KCNN3: variants seen among roughly 807,000 people sequenced by gnomAD.
The protein encoded by KCNN3 is small conductance calcium-activated potassium channel protein 3.
A neutral mutation model predicts 62.9 loss-of-function variants in KCNN3; 16 were observed. That is an observed-to-expected ratio of 0.25 (90% CI 0.17 to 0.39). The LOEUF is 0.39. Among genes scored for constraint, KCNN3 ranks in the 10% least tolerant of loss-of-function variants. KCNN3 has a pLI of 1.00. For missense variants in KCNN3, 599 were observed against 949.4 expected (o/e 0.63, Z 4.85); for synonymous variants, 370 against 389.2 (o/e 0.95, Z 0.58).
chr1:154,725,338 G>C (rs917295561), intron 5 of KCNN3, among the ~76,000 whole-genome samples: 1 of 152,150 alleles, frequency 6.6e-6, no homozygotes, highest in Admixed American at 6.5e-5. Flanking sequence ...ATCAGGCAAA[G>C]GGGCAGGTTA....
intron 1 of KCNN3, among the ~76,000 whole-genome samples, chr1:154,868,765 C>T (rs1653049399): frequency 6.6e-6 from 1 of 152,050 alleles, no homozygotes; most frequent in Non-Finnish European, 1.5e-5. Context: ...CCCTACCCCC[C>T]AGAGGAAGCT....
chr1:154,724,860 T>TC (rs140118887), intron 5 of KCNN3, among the ~76,000 whole-genome samples: 13,680 of 134,286 alleles, frequency 0.1, 671 homozygotes, highest in Middle Eastern at 0.16. Context: ...AGAATGATTC[T>TC]TTTTTTTTTT....
intron 1 of KCNN3, among the ~76,000 whole-genome samples, chr1:154,831,196 G>A (rs1651365399): frequency 2.6e-5 from 4 of 152,314 alleles, no homozygotes; most frequent in Admixed American, 2.6e-4. Flanking sequence ...GCCCACCTAG[G>A]ATTCTTGCAG....
rs1700123635 is a variant in KCNN3, at chr1:154,713,673, T to G, written c.1830-140A>C. ...CGTGAACCTGGGGAACAACTGAGGC[T>G]TTTACTTTCCAGGGGCTTGTCACAT... On this transcript the variant is annotated intron_variant, in intron 6 of 7. Coordinates refer to ENST00000271915, the MANE Select transcript of KCNN3 (RefSeq NM_002249.6). 3 of 720,792 alleles carry G rather than the reference T, an allele frequency of 4.2e-6. No individual in the cohort carries two copies. The Admixed American group carries it at 6.0e-5, about 14-fold the overall frequency. 44.6% of individuals were successfully genotyped at this position (720,792 alleles called of 1,614,324 possible).
At chr1:154,867,982 C>A (rs1191438467) in intron 1 of KCNN3, 3 of 985,210 alleles carry the variant, frequency 3.0e-6, no homozygotes, top group East Asian at 2.3e-4. Flanking sequence ...GGGAGGGAAA[C>A]CCCCTCCTCC....
At chr1:154,868,497 G>C (rs995287523) in intron 1 of KCNN3, 31 of 182,308 alleles carry the variant, frequency 1.7e-4, no homozygotes, top group Non-Finnish European at 2.8e-4. Context: ...GCAATGGTAC[G>C]GAATCCCCAC....
chr1:154,819,975 TG>T (rs1305329003), intron 2 of KCNN3, among the ~76,000 whole-genome samples: 1 of 152,222 alleles, frequency 6.6e-6, no homozygotes, highest in Non-Finnish European at 1.5e-5. Flanking sequence ...ATACTTCAGA[TG>T]GGGAAACTGA....
intron 2 of KCNN3, among the ~76,000 whole-genome samples, chr1:154,819,493 A>G (rs1036164681): frequency 2.0e-5 from 3 of 152,176 alleles, no homozygotes; most frequent in South Asian, 4.1e-4. Context: ...AAGACACCCA[A>G]CAGAAAACTA....
intron 2 of KCNN3, among the ~76,000 whole-genome samples, chr1:154,773,556 G>A (rs1648662795): frequency 6.6e-6 from 1 of 152,212 alleles, no homozygotes; most frequent in South Asian, 2.1e-4. Context: ...ACCTGTGGGA[G>A]CCAACACTAA....
At chr1:154,730,839 C>T (rs1294694726) in intron 4 of KCNN3, among the ~76,000 whole-genome samples, 1 of 152,182 alleles carries the variant, frequency 6.6e-6, no homozygotes, top group African/African-American at 2.4e-5. Flanking sequence ...AGAACGCTCT[C>T]TCTGGGGGAG....
chr1:154,745,043 C>T (rs754390949), intron 3 of KCNN3, among the ~76,000 whole-genome samples: 6 of 152,076 alleles, frequency 3.9e-5, no homozygotes, highest in Non-Finnish European at 7.4e-5. Context: ...TATCAAACCA[C>T]GTGCCCAGGA....
chr1:154,826,106 T>C, intron 1 of KCNN3, among the ~76,000 whole-genome samples: 1 of 150,848 alleles, frequency 6.6e-6, no homozygotes, highest in Admixed American at 6.6e-5. Context: ...CAAAAAACAC[T>C]TCTGCAGACA....
intron 5 of KCNN3, among the ~76,000 whole-genome samples, chr1:154,724,859 C>CTCT (rs1557943455): frequency 7.2e-6 from 1 of 138,436 alleles, no homozygotes; most frequent in Non-Finnish European, 1.6e-5. Flanking sequence ...TAGAATGATT[C>CTCT]TTTTTTTTTT....
chr1:154,704,960 A>C lies in KCNN3; in HGVS notation c.*3016T>G, dbSNP rs551169114. On this transcript the variant is annotated 3_prime_UTR_variant, in exon 8 of 8. Transcript: ENST00000271915. ...CAGCTAATTTTTGTATTTTTAGTAG[A>C]GATGGGGTTTTGCCATGTTGGCCAG... The C allele has an allele frequency of 6.6e-6, 1 of 152,188 alleles. No homozygotes were observed. The highest frequency in any genetic ancestry group is 1.9e-4 in the East Asian group (1 of 5,178). The allele number at this position is 152,188 out of a possible 1,614,324, so 9.4% of individuals were successfully genotyped here. A position where few individuals can be genotyped will look rare whatever the true frequency, so the allele number is the denominator to read the frequency against.
In KCNN3 at chr1:154,807,281, G is replaced by A. The variant is rs951631381; in HGVS notation, c.1029+14808C>T. 2.6e-5 allele frequency among the ~76,000 whole-genome samples: 4 copies of A among 152,284 alleles called. No homozygotes were observed. The East Asian group carries it at 5.8e-4, about 22-fold the overall frequency. On this transcript the variant is annotated intron_variant, in intron 2 of 7. Transcript: ENST00000271915. ...AGAAGAGGAAAAAATGTCCCCTGGT[G>A]GCTGTGGACAACTCGAGCCCGTAAC...
At chr1:154,763,282 TC>T in intron 3 of KCNN3, among the ~76,000 whole-genome samples, 3 of 152,348 alleles carry the variant, frequency 2.0e-5, no homozygotes, top group Middle Eastern at 6.8e-3. Flanking sequence ...TTAATTCCTA[TC>T]TTTGCCTTTG....
At position 154,734,879 on chromosome 1, in the gene KCNN3, CT is replaced by C. The variant is rs145601208; in HGVS notation, c.1449-1736del. On this transcript the variant is annotated intron_variant, in intron 3 of 7. Coordinates refer to ENST00000271915, the MANE Select transcript of KCNN3 (RefSeq NM_002249.6). ...CACACAGGAAGCAAAGCCCATGCTC[CT>C]TTCACTGTTTCACTCAACATCAGAG... 2.3e-3 allele frequency among the ~76,000 whole-genome samples: 354 copies of C among 152,294 alleles called. 2 individuals carry two copies. The highest frequency in any genetic ancestry group is 8.0e-3 in the African/African-American group (331 of 41,548).
chr1:154,732,696 G>C (rs908790450), intron 4 of KCNN3, among the ~76,000 whole-genome samples: 1 of 152,222 alleles, frequency 6.6e-6, no homozygotes, highest in Non-Finnish European at 1.5e-5. Flanking sequence ...CTGCACAGCA[G>C]TGGGGTGGGC....
intron 3 of KCNN3, among the ~76,000 whole-genome samples, chr1:154,743,217 C>T (rs1411707594): frequency 1.3e-5 from 2 of 151,662 alleles, no homozygotes; most frequent in Non-Finnish European, 2.9e-5. Flanking sequence ...CTCTTACCTG[C>T]TCCAGCCCCA....
Sources: gnomAD v4.1 joint callset for allele counts (sites outside exome capture counted in the v4.1 genomes callset) on GRCh38, gnomAD v4.1.1 for gene constraint, MANE v1.5 for transcripts, NCBI Gene and HGNC (gene_info 2026-07-23, HGNC 2026-07-21) for gene names.